The following EMC3 variants were observed in gnomAD, a reference collection of about 807,000 sequenced individuals.
EMC3 encodes the protein 30 kDa protein.
In EMC3, 13 loss-of-function variants were observed where a neutral mutation model predicts 36.6. The observed-to-expected ratio is 0.35, with a 90% CI of 0.23 to 0.56. The LOEUF (loss-of-function observed/expected upper bound fraction) is 0.56. Among genes scored for constraint, EMC3 ranks in the 20% least tolerant of loss-of-function variants. The probability of loss-of-function intolerance (pLI) is 0.84; values close to 1 mark genes in which losing one functional copy is unlikely to be tolerated. For missense variants in EMC3, 220 were observed against 324.5 expected (o/e 0.68, Z 2.47); for synonymous variants, 120 against 111.9 (o/e 1.07, Z -0.46).
At position 9,997,660 on chromosome 3, in the gene EMC3, A is replaced by T. The variant is rs149050410; in HGVS notation, c.-241-10758T>A. On this transcript the variant is annotated intron_variant, in intron 1 of 8. Transcript: ENST00000470827. ...TTTTTAGTCGAGTTGGGGTTTCATCATGTTGGCCAGGCTGGTCTCAAACGG... is the reference window on the plus strand; with the variant it reads ...TTTTTAGTCGAGTTGGGGTTTCATCTTGTTGGCCAGGCTGGTCTCAAACGG... Among the ~76,000 whole-genome samples the T allele has an allele frequency of 7.3e-5, 11 of 151,336 alleles. 1 individual carries two copies. The East Asian group carries it at 1.0e-3, about 14-fold the overall frequency.
intron 7 of EMC3, among the ~76,000 whole-genome samples, chr3:9,965,808 A>G (rs1311252455): frequency 6.6e-6 from 1 of 152,232 alleles, no homozygotes; most frequent in East Asian, 1.9e-4. Flanking sequence ...AACATGATTC[A>G]GTATTCCACT....
chr3:10,004,486 G>A (rs1205756090), intron 1 of EMC3: 2 of 152,276 alleles, frequency 1.3e-5, no homozygotes, highest in African/African-American at 4.8e-5. Flanking sequence ...TCAGACCACA[G>A]ACCCTTCCTC....
chr3:9,966,282 G>A (rs1356763088), intron 7 of EMC3, among the ~76,000 whole-genome samples: 7 of 151,542 alleles, frequency 4.6e-5, no homozygotes, highest in Non-Finnish European at 1.0e-4. Context: ...GAGTGCAGTG[G>A]CGCAATCTCC....
chr3:9,981,550 A>G (rs1248793461), intron 1 of EMC3: 1 of 190,548 alleles, frequency 5.2e-6, no homozygotes, highest in Non-Finnish European at 1.1e-5. Flanking sequence ...AAGTCTCTGT[A>G]CTGTTATAAA....
intron 1 of EMC3, among the ~76,000 whole-genome samples, chr3:10,000,326 T>C (rs2086183059): frequency 1.3e-5 from 2 of 152,130 alleles, no homozygotes; most frequent in Non-Finnish European, 2.9e-5. Context: ...AGGCATGAGC[T>C]ACTGCGCCCG....
chr3:9,964,315 A>AT (rs1257236609), intron 7 of EMC3, 118 bp from the exon 8 acceptor site: 1 of 1,439,212 alleles, frequency 6.9e-7, no homozygotes, highest in African/African-American at 1.4e-5. Context: ...CTGCATGTAT[A>AT]AGCTCATTCA....
intron 1 of EMC3, chr3:10,006,568 G>T (rs749464609): frequency 8.6e-5 from 15 of 175,328 alleles, no homozygotes; most frequent in Non-Finnish European, 1.7e-4. Flanking sequence ...GGTCCCAGAA[G>T]TGTTGATCTA....
chr3:9,980,014 A>ATT (rs775249109), intron 1 of EMC3, among the ~76,000 whole-genome samples: 7,629 of 138,068 alleles, frequency 0.055, 712 homozygotes, highest in African/African-American at 0.19. Context: ...GTCTCACTGT[A>ATT]TTTTTTTTTT....
intron 7 of EMC3, among the ~76,000 whole-genome samples, chr3:9,966,836 A>G (rs1381503404): frequency 6.6e-6 from 1 of 152,146 alleles, no homozygotes; most frequent in African/African-American, 2.4e-5. Flanking sequence ...CAGCCTCCCA[A>G]AGTGCTGGGA....
At chr3:9,968,508 C>T (rs1455618510) in intron 7 of EMC3, 1 of 152,174 alleles carries the variant, frequency 6.6e-6, no homozygotes, top group African/African-American at 2.4e-5. Flanking sequence ...ACATCCTGGA[C>T]AATGATGAAT....
intron 1 of EMC3, chr3:10,007,067 C>T: frequency 3.3e-6 from 1 of 306,896 alleles, no homozygotes; most frequent in Non-Finnish European, 6.4e-6. Context: ...ACCCTCTTTG[C>T]ACAGAACGAG....
At position 9,986,728 on chromosome 3, in the gene EMC3, T is replaced by C; in HGVS notation, c.-67A>G. The C allele has an allele frequency of 6.9e-6, 11 of 1,591,424 alleles. No individual in the cohort carries two copies. Among genetic ancestry groups the C allele is most frequent in the Non-Finnish European group, 9.4e-6 (11 of 1,168,442 alleles). ...CTCTTCTCCGGGGCACAGTTGCTTC[T>C]CTTCGGCTTCGCCTCCGGGCCTTCT... On this transcript the variant is annotated 5_prime_UTR_variant, in exon 1 of 8. Coordinates refer to ENST00000245046, the MANE Select transcript of EMC3 (RefSeq NM_001394674.1).
At position 9,963,161 on chromosome 3, in the gene EMC3, G is replaced by T. The variant is rs867247050; in HGVS notation, c.*908C>A. The T allele has an allele frequency of 1.0e-3, 159 of 152,180 alleles. No individual in the cohort carries two copies. The highest frequency in any genetic ancestry group is 3.8e-3 in the African/African-American group (156 of 41,448). The allele number at this position is 152,180 out of a possible 1,614,324, so 9.4% of individuals were successfully genotyped here. On this transcript the variant is annotated 3_prime_UTR_variant, in exon 8 of 8. Transcript: ENST00000245046. ...TGTCCTGACCCTGGGTATTCACTCTGAAGAGAGTTTATTTGAATAAGGTTT... is the reference window on the plus strand; with the variant it reads ...TGTCCTGACCCTGGGTATTCACTCTTAAGAGAGTTTATTTGAATAAGGTTT...
chr3:10,002,221 G>T (rs924268253), intron 1 of EMC3, among the ~76,000 whole-genome samples: 3 of 149,568 alleles, frequency 2.0e-5, no homozygotes, highest in African/African-American at 4.9e-5. Context: ...TCCAATCCAT[G>T]AAGACAATAG....
At chr3:9,990,446 C>A (rs186854047), upstream of EMC3, among the ~76,000 whole-genome samples, 2 of 150,916 alleles carry the variant, frequency 1.3e-5, no homozygotes, top group African/African-American at 2.4e-5. Context: ...GCGATCCCCC[C>A]ACCTCAGTCT....
upstream of EMC3, among the ~76,000 whole-genome samples, chr3:9,987,634 A>G (rs1464767486): frequency 1.3e-5 from 2 of 152,198 alleles, no homozygotes; most frequent in Non-Finnish European, 2.9e-5. Flanking sequence ...AGAAGAGGAA[A>G]TGGAGCTATT....
intron 1 of EMC3, among the ~76,000 whole-genome samples, chr3:9,993,599 G>A (rs1027250647): frequency 2.0e-5 from 3 of 148,778 alleles, no homozygotes; most frequent in Non-Finnish European, 4.5e-5. Context: ...TTCTAGACAC[G>A]GAAACCATAT....
At chr3:10,006,993 G>T (rs891299472) in intron 1 of EMC3, 1 of 281,788 alleles carries the variant, frequency 3.5e-6, no homozygotes, top group Non-Finnish European at 7.0e-6. Flanking sequence ...ATAAGTGACC[G>T]GTTCTTGCAA....
At chr3:9,992,731 G>C in intron 1 of EMC3, 1 of 605,130 alleles carries the variant, frequency 1.7e-6, no homozygotes, top group Non-Finnish European at 2.9e-6. Flanking sequence ...TCTGGGTTTT[G>C]TGAAAAGTGT....
Sources: allele counts gnomAD v4.1 joint callset (sites outside exome capture counted in the v4.1 genomes callset), GRCh38; gene constraint gnomAD v4.1.1; transcripts MANE v1.5; gene names NCBI Gene and HGNC (gene_info 2026-07-23, HGNC 2026-07-21).